The following LINGO2 variants were observed in gnomAD, a reference collection of about 807,000 sequenced individuals.
The protein encoded by LINGO2 is leucine-rich repeat and immunoglobulin-like domain-containing nogo receptor-interacting protein 2.
Under a neutral mutation model 30.6 loss-of-function variants are expected in LINGO2, and 14 were observed. The ratio of observed to expected loss-of-function variants is 0.46; its 90% CI spans 0.30 to 0.72. The LOEUF (loss-of-function observed/expected upper bound fraction) is 0.72. Among genes scored for constraint, LINGO2 ranks in the 30% least tolerant of loss-of-function variants. The probability of loss-of-function intolerance (pLI) is 0.07; values close to 1 mark genes in which losing one functional copy is unlikely to be tolerated. For missense variants in LINGO2, 729 were observed against 751.7 expected, an observed-to-expected ratio of 0.97 and a Z score of 0.35; for synonymous variants, 317 against 288.5, an observed-to-expected ratio of 1.10 and a Z score of -1.00.
chr9:28,198,612 C>T (rs1167620658), intron 4 of LINGO2, among the ~76,000 whole-genome samples: 1 of 152,120 alleles, frequency 6.6e-6, no homozygotes, highest in Admixed American at 6.5e-5. Context: ...GAACTTCCAG[C>T]TGCTGAGAGG....
chr9:28,633,014 C>T (rs946222180), intron 1 of LINGO2, among the ~76,000 whole-genome samples: 28 of 151,104 alleles, frequency 1.9e-4, no homozygotes, highest in Non-Finnish European at 3.7e-4. Flanking sequence ...GCCCAAGTCA[C>T]AAAACTGAAG....
the LINGO2 span, among the ~76,000 whole-genome samples, chr9:28,828,842 T>G: frequency 2.0e-5 from 3 of 152,096 alleles, no homozygotes; most frequent in Admixed American, 2.0e-4. Context: ...ACGAGCCAGG[T>G]GGTGTTTTCA....
intron 1 of LINGO2, among the ~76,000 whole-genome samples, chr9:28,637,881 A>G (rs1187389207): frequency 1.3e-5 from 2 of 152,064 alleles, no homozygotes; most frequent in Non-Finnish European, 1.5e-5. Flanking sequence ...GGTGAGAGAG[A>G]GCATCCCTGT....
intron 1 of LINGO2, among the ~76,000 whole-genome samples, chr9:28,591,031 C>A (rs62560669): frequency 6.1e-4 from 93 of 151,914 alleles, no homozygotes; most frequent in African/African-American, 2.2e-3. Context: ...AGCTGGAAAC[C>A]ATCATTCTCA....
At chr9:28,157,475 C>A (rs1828164676) in intron 4 of LINGO2, among the ~76,000 whole-genome samples, 1 of 152,194 alleles carries the variant, frequency 6.6e-6, no homozygotes, top group South Asian at 2.1e-4. Flanking sequence ...ATGCAAAGGG[C>A]TGCCATGAAG....
At chr9:28,178,177 C>T (rs1384301597) in intron 4 of LINGO2, among the ~76,000 whole-genome samples, 1 of 152,110 alleles carries the variant, frequency 6.6e-6, no homozygotes, top group East Asian at 1.9e-4. Flanking sequence ...CCTGACACCT[C>T]AGGGCATAAA....
At chr9:28,618,311 T>G (rs1826231543) in intron 1 of LINGO2, among the ~76,000 whole-genome samples, 1 of 152,134 alleles carries the variant, frequency 6.6e-6, no homozygotes, top group Non-Finnish European at 1.5e-5. Context: ...TATTTTATTT[T>G]TCTCTTTTAC....
At chr9:28,560,308 A>T (rs937028397) in intron 1 of LINGO2, among the ~76,000 whole-genome samples, 2 of 152,102 alleles carry the variant, frequency 1.3e-5, no homozygotes. Flanking sequence ...GTTGCTCCCC[A>T]TAATGTGGGT....
chr9:28,637,883 C>A (rs1827361721), intron 1 of LINGO2, among the ~76,000 whole-genome samples: 1 of 152,190 alleles, frequency 6.6e-6, no homozygotes, highest in Admixed American at 6.5e-5. Context: ...TGAGAGAGAG[C>A]ATCCCTGTCT....
chr9:27,938,218 A>G, the LINGO2 span: 1 of 152,220 alleles, frequency 6.6e-6, no homozygotes, highest in Non-Finnish European at 1.5e-5. Flanking sequence ...CAATGACATT[A>G]AAGATAACCT....
chr9:28,443,406 C>A (rs937804088), intron 2 of LINGO2, among the ~76,000 whole-genome samples: 4 of 152,184 alleles, frequency 2.6e-5, no homozygotes, highest in Non-Finnish European at 5.9e-5. Flanking sequence ...GGAGCCCTGA[C>A]CCCTACTGAG....
the LINGO2 span, among the ~76,000 whole-genome samples, chr9:29,114,762 C>T: frequency 6.6e-6 from 1 of 151,668 alleles, no homozygotes; most frequent in African/African-American, 2.4e-5. Context: ...CATAGTATTC[C>T]ATGGTGTATA....
intron 3 of LINGO2, among the ~76,000 whole-genome samples, chr9:28,345,454 A>T (rs537728733): frequency 6.6e-6 from 1 of 152,244 alleles, no homozygotes; most frequent in Admixed American, 6.5e-5. Context: ...TGACCTCTCA[A>T]ATATAGGGTA....
At chr9:28,396,030 G>A (rs1266656166) in intron 2 of LINGO2, among the ~76,000 whole-genome samples, 2 of 152,090 alleles carry the variant, frequency 1.3e-5, no homozygotes, top group East Asian at 3.9e-4. Flanking sequence ...AACTAGGGAC[G>A]CTACCATAAT....
chr9:29,108,856 C>A, the LINGO2 span, among the ~76,000 whole-genome samples: 1 of 152,090 alleles, frequency 6.6e-6, no homozygotes, highest in African/African-American at 2.4e-5. Context: ...AGCAAATGGG[C>A]AAAATGTGTG....
In LINGO2 at chr9:28,189,012, C is replaced by T. The variant is rs1033259689; in HGVS notation, c.-87+106196G>A. Among the ~76,000 whole-genome samples, 14 of 151,474 alleles carry T rather than the reference C, an allele frequency of 9.2e-5. No homozygotes were observed. In the South Asian group the frequency reaches 2.9e-3, roughly 32 times the overall value. ...AGAAGACAAGTCTAAAAGTTTACATCAATTAAGAAGATAATCTGGGCAGCT... is the reference window on the plus strand; with the variant it reads ...AGAAGACAAGTCTAAAAGTTTACATTAATTAAGAAGATAATCTGGGCAGCT... On this transcript the variant is annotated intron_variant, in intron 4 of 5. Transcript: ENST00000379992.
intron 3 of LINGO2, among the ~76,000 whole-genome samples, chr9:28,342,576 C>T (rs1215366193): frequency 6.6e-6 from 1 of 151,944 alleles, no homozygotes; most frequent in Non-Finnish European, 1.5e-5. Flanking sequence ...GCTTGGCTTC[C>T]TCTCATCTAC....
the LINGO2 span, among the ~76,000 whole-genome samples, chr9:29,116,977 T>C: frequency 1.3e-5 from 2 of 152,146 alleles, no homozygotes; most frequent in East Asian, 1.9e-4. Flanking sequence ...AGAAAGGACA[T>C]GTGCTTTGGA....
rs567100820 is a variant in LINGO2 at position 28,183,003 on chromosome 9, C to T, written c.-87+112205G>A. On this transcript the variant is annotated intron_variant, in intron 4 of 5. Coordinates refer to ENST00000379992, the Ensembl canonical transcript of LINGO2. ...AATCATTCTGCTATAAAGACACATG[C>T]ACTCGTATGTTTATCACAGCACTAT... Among the ~76,000 whole-genome samples, 32 of 152,276 alleles carry T rather than the reference C, an allele frequency of 2.1e-4. No homozygotes were observed. In the South Asian group the frequency reaches 6.4e-3, roughly 31 times the overall value.
Sources: gnomAD v4.1 joint callset for allele counts (sites outside exome capture counted in the v4.1 genomes callset) on GRCh38, gnomAD v4.1.1 for gene constraint, MANE v1.5 for transcripts, NCBI Gene and HGNC (gene_info 2026-07-23, HGNC 2026-07-21) for gene names.